The following E2F2 variants were observed in gnomAD, a reference collection of about 807,000 sequenced individuals.
The protein encoded by E2F2 is transcription factor E2F2.
E2F2 carries 22 observed loss-of-function variants against 42.2 expected under a neutral mutation model. That is an observed-to-expected ratio of 0.52 (90% CI 0.37 to 0.74). The LOEUF is 0.74. Among genes scored for constraint, E2F2 ranks in the 30% least tolerant of loss-of-function variants. E2F2 has a pLI of 0.00. For synonymous variants in E2F2, 248 were observed against 251.6 expected (o/e 0.99, Z 0.13); for missense variants, 481 against 557.8 (o/e 0.86, Z 1.39).
chr1:23,527,312 G>T lies in E2F2; in HGVS notation c.253-2824C>A, dbSNP rs3218140. Among the ~76,000 whole-genome samples the T allele has an allele frequency of 4.5e-4, 68 of 152,372 alleles. 3 individuals are homozygous for T. The South Asian group carries it at 0.014, about 31-fold the overall frequency. On this transcript the variant is annotated intron_variant, in intron 1 of 6. Coordinates refer to ENST00000361729, the MANE Select transcript of E2F2 (RefSeq NM_004091.4). ...CCAGTGGGAAAAGGGGAAAGTTCAA[G>T]GGTGAGCTGAAAAGAGACTGCGATG...
intron 1 of E2F2, 92 bp from the exon 2 acceptor site, chr1:23,524,580 A>T: frequency 9.0e-7 from 1 of 1,107,066 alleles, no homozygotes; most frequent in Non-Finnish European, 1.3e-6. Flanking sequence ...GAAGCCACTT[A>T]GCAGCCACCT....
In E2F2 at chr1:23,512,578, A is replaced by G. The variant is rs187855820; in HGVS notation, c.1046-2430T>C. ...CTCCTCTCACCAGCCATGGAACCCC[A>G]GAACTCTGTTTCCTCATGTGGAAAA... On this transcript the variant is annotated intron_variant, in intron 6 of 6. Transcript: ENST00000361729. Among the ~76,000 whole-genome samples, 671 of 152,356 alleles carry G rather than the reference A, an allele frequency of 4.4e-3. 6 individuals are homozygous for G. The highest frequency in any genetic ancestry group is 0.013 in the African/African-American group (524 of 41,590).
chr1:23,512,812 C>G (rs1055618874), intron 6 of E2F2, among the ~76,000 whole-genome samples: 2 of 151,644 alleles, frequency 1.3e-5, no homozygotes, highest in Non-Finnish European at 2.9e-5. Flanking sequence ...GCTCTTCACA[C>G]AAGCTTTTTT....
At position 23,530,976 on chromosome 1, in the gene E2F2, G is replaced by A. The variant is rs983235410; in HGVS notation, c.-183C>T. ...GGCCCGCGGCCGAGCAGAGAGCAGC[G>A]CTTAGAGATCGCCGCTTGGAGATCG... On this transcript the variant is annotated 5_prime_UTR_variant, in exon 1 of 7. Transcript: ENST00000361729. The surrounding 1 kb of genome is among the most constrained non-coding windows in gnomAD (Gnocchi z 4.4). The A allele has an allele frequency of 9.1e-6, 6 of 659,876 alleles. No individual in the cohort carries two copies. Among genetic ancestry groups the A allele is most frequent in the Non-Finnish European group, 2.3e-6 (1 of 442,644 alleles). 40.9% of individuals were successfully genotyped at this position (659,876 alleles called of 1,614,324 possible). A position where few individuals can be genotyped will look rare whatever the true frequency, so the allele number is the denominator to read the frequency against.
intron 2 of E2F2, 30 bp downstream of exon 2, chr1:23,524,353 C>T: frequency 6.5e-7 from 1 of 1,547,184 alleles, no homozygotes; most frequent in Non-Finnish European, 8.8e-7. Context: ...TGCCCCACCC[C>T]ACCCCAGAGG....
chr1:23,522,588 G>A (rs1241907138), intron 2 of E2F2, among the ~76,000 whole-genome samples: 2 of 152,154 alleles, frequency 1.3e-5, no homozygotes, highest in East Asian at 3.8e-4. Flanking sequence ...TTAAATGTCC[G>A]GAGTTTGGAA....
In E2F2 at chr1:23,530,911, C is replaced by T. The variant is rs1298174258; in HGVS notation, c.-118G>A. 5.4e-6 allele frequency: 7 copies of T among 1,297,250 alleles called. No homozygotes were observed. The highest frequency in any genetic ancestry group is 4.0e-6 in the Non-Finnish European group (4 of 989,034). 80.4% of individuals were successfully genotyped at this position (1,297,250 alleles called of 1,614,324 possible). On this transcript the variant is annotated 5_prime_UTR_variant, in exon 1 of 7. Transcript: ENST00000361729. This position sits in a 1 kb window ranked among gnomAD's most constrained non-coding sequence, Gnocchi z 4.4. ...TGGCGCGGAGGCCGGGGGAAGCCGC[C>T]AATGGACGCCTGCGGGGCAAGGCCG...
At chr1:23,521,176 G>A (rs1643138131) in intron 3 of E2F2, 105 bp from the exon 4 acceptor site, 1 of 1,286,554 alleles carries the variant, frequency 7.8e-7, no homozygotes, top group Non-Finnish European at 1.0e-6. Context: ...GTGGAAATCA[G>A]TGGTCATGCC....
At chr1:23,520,046 C>T (rs1359211911) in intron 4 of E2F2, among the ~76,000 whole-genome samples, 1 of 150,030 alleles carries the variant, frequency 6.7e-6, no homozygotes, top group Non-Finnish European at 1.5e-5. Flanking sequence ...GCACTGCACT[C>T]CAGCCTGGGC....
chr1:23,524,091 ACAACAAC>A lies in E2F2; in HGVS notation c.358+285_358+291del, dbSNP rs375995249. Among the ~76,000 whole-genome samples, 41 of 122,944 alleles carry A rather than the reference ACAACAAC, an allele frequency of 3.3e-4. 3 individuals carry two copies. The highest frequency in any genetic ancestry group is 1.1e-3 in the South Asian group (4 of 3,632). 80.7% of individuals were successfully genotyped at this position (122,944 alleles called of 152,430 possible). ...CTGTCTCACAACAACAACAACAACA[ACAACAAC>A]AACAACAAAAAAAAACACAGAAGTA... On this transcript the variant is annotated intron_variant, in intron 2 of 6. Transcript: ENST00000361729.
chr1:23,518,993 C>T, intron 5 of E2F2, 23 bp downstream of exon 5: 1 of 1,605,012 alleles, frequency 6.2e-7, no homozygotes, highest in Non-Finnish European at 8.5e-7. Flanking sequence ...ACCCTGCTCT[C>T]CACCAAATAT....
At position 23,510,001 on chromosome 1, in the gene E2F2, G is replaced by A; in HGVS notation, c.1193C>T (p.Ser398Phe). 1.2e-6 allele frequency: 2 copies of A among 1,613,778 alleles called. No individual in the cohort carries two copies. The highest frequency in any genetic ancestry group is 4.5e-5 in the East Asian group (2 of 44,870). The stretch of plus-strand genomic sequence containing the variant: ...GGATGGGGAGAAGCTGATCAGAGGG[G>A]AGCTGCACGCCAGGGTCGGGGACAG... ...QFLSPTLACS[S>F]PLISFSPSLD... Residue 398 changes from serine to phenylalanine, a missense_variant, in exon 7 of 7, where the codon TCC becomes TTC. Physicochemically the swap from Ser to Phe is radical, Grantham distance 155 (BLOSUM62 -2). Transcript: ENST00000361729.
rs1016525076 is a variant in E2F2 at position 23,510,025 on chromosome 1, A to G, written c.1169T>C (p.Leu390Pro). ...GGAGCTGCACGCCAGGGTCGGGGAC[A>G]GGAACTGGTCCTCAGTCTGCTGCAG... ...PLLQQTEDQF[L>P]SPTLACSSPL... Residue 390 changes from leucine to proline, a missense_variant, in exon 7 of 7, where the codon CTG becomes CCG. Coordinates refer to ENST00000361729, the MANE Select transcript of E2F2 (RefSeq NM_004091.4). 1 of 1,613,608 alleles carries G rather than the reference A, an allele frequency of 6.2e-7. No individual in the cohort carries two copies. The highest frequency in any genetic ancestry group is 2.2e-5 in the East Asian group (1 of 44,874).
chr1:23,516,803 G>GT (rs1022008521), intron 5 of E2F2, among the ~76,000 whole-genome samples: 2 of 140,306 alleles, frequency 1.4e-5, no homozygotes, highest in Admixed American at 7.0e-5. Flanking sequence ...TGGGGCGGGG[G>GT]GGGGGGGGCA....
chr1:23,522,138 A>G (rs1246704057), intron 2 of E2F2, 82 bp from the exon 3 acceptor site: 3 of 1,300,318 alleles, frequency 2.3e-6, no homozygotes, highest in Admixed American at 2.1e-5. Context: ...AGGCTCATTA[A>G]GTACCACCTT....
intron 6 of E2F2, among the ~76,000 whole-genome samples, chr1:23,515,570 G>C (rs763397513): frequency 1.3e-5 from 2 of 151,994 alleles, no homozygotes; most frequent in Admixed American, 6.6e-5. Flanking sequence ...ATTTTTATTA[G>C]AGATGGAGTC....
intron 1 of E2F2, among the ~76,000 whole-genome samples, chr1:23,527,268 C>T (rs1432695789): frequency 2.0e-5 from 3 of 152,220 alleles, no homozygotes; most frequent in Non-Finnish European, 4.4e-5. Flanking sequence ...GAGCTGCTAG[C>T]ACTGATGTAT....
intron 2 of E2F2, among the ~76,000 whole-genome samples, chr1:23,522,916 TATC>T (rs1479422039): frequency 2.0e-5 from 3 of 152,164 alleles, no homozygotes; most frequent in African/African-American, 7.2e-5. Flanking sequence ...GAGGACCAGT[TATC>T]ATGAGCCTCA....
intron 2 of E2F2, among the ~76,000 whole-genome samples, chr1:23,523,274 G>A (rs1485939812): frequency 2.0e-5 from 3 of 151,210 alleles, no homozygotes; most frequent in Admixed American, 6.6e-5. Flanking sequence ...CTCCTGCCTT[G>A]GCCTCCTGAG....
Sources: allele counts gnomAD v4.1 joint callset (sites outside exome capture counted in the v4.1 genomes callset), GRCh38; gene constraint gnomAD v4.1.1; non-coding constraint Gnocchi (gnomAD v3.1); transcripts MANE v1.5; gene names NCBI Gene and HGNC (gene_info 2026-07-23, HGNC 2026-07-21).